Variants in TMEM248 observed in about 807,000 individuals in gnomAD.
TMEM248 encodes the protein transmembrane protein 248.
TMEM248 carries 9 observed loss-of-function variants against 30.3 expected under a neutral mutation model. The ratio of observed to expected loss-of-function variants is 0.30; its 90% CI spans 0.18 to 0.52. TMEM248 has a LOEUF of 0.52. Ranked by LOEUF, TMEM248 falls within the 20% of genes least tolerant of loss-of-function variation. The probability of loss-of-function intolerance (pLI) is 0.97; values close to 1 mark genes in which losing one functional copy is unlikely to be tolerated. For synonymous variants in TMEM248, 184 were observed against 154.4 expected, an observed-to-expected ratio of 1.19 and a Z score of -1.42; for missense variants, 338 against 403.3, an observed-to-expected ratio of 0.84 and a Z score of 1.39.
intron 1 of TMEM248, among the ~76,000 whole-genome samples, chr7:66,940,790 A>G (rs1791926203): frequency 6.6e-6 from 1 of 152,246 alleles, no homozygotes; most frequent in East Asian, 1.9e-4. Flanking sequence ...CCATATGGCA[A>G]TGAGCAGGAC....
chr7:66,950,914 A>G (rs1050247560), intron 4 of TMEM248, 38 bp from the exon 5 acceptor site: 4 of 1,503,368 alleles, frequency 2.7e-6, no homozygotes, highest in African/African-American at 1.4e-5. Context: ...GACTCAGGCC[A>G]CTGAGCACGT....
intron 1 of TMEM248, among the ~76,000 whole-genome samples, chr7:66,929,426 ATTTTTTTTT>A (rs35126436): frequency 4.9e-4 from 48 of 97,674 alleles, no homozygotes; most frequent in Middle Eastern, 6.8e-3. Flanking sequence ...TGAGAGACAA[ATTTTTTTTT>A]TTTTTTTTTT....
chr7:66,931,891 G>A (rs1791677368), intron 1 of TMEM248, among the ~76,000 whole-genome samples: 2 of 138,002 alleles, frequency 1.4e-5, no homozygotes, highest in Non-Finnish European at 3.0e-5. Flanking sequence ...TGCAAGCTCC[G>A]TCTCCTGGAT....
chr7:66,935,003 T>C (rs1177008648), intron 1 of TMEM248, among the ~76,000 whole-genome samples: 2 of 151,586 alleles, frequency 1.3e-5, no homozygotes. Context: ...TGCAGTGAGC[T>C]GAGATTGTGC....
At chr7:66,922,596 A>G (rs898829949) in intron 1 of TMEM248, among the ~76,000 whole-genome samples, 1 of 152,144 alleles carries the variant, frequency 6.6e-6, no homozygotes, top group African/African-American at 2.4e-5. Flanking sequence ...GTGGACTGGA[A>G]TCACTGCTAG....
At chr7:66,948,997 T>G (rs1220792621) in intron 4 of TMEM248, among the ~76,000 whole-genome samples, 3 of 151,938 alleles carry the variant, frequency 2.0e-5, no homozygotes, top group Admixed American at 6.6e-5. Context: ...AAGCAGCAAG[T>G]TACAGAAAAG....
chr7:66,923,593 C>T (rs1791445201), intron 1 of TMEM248, among the ~76,000 whole-genome samples: 2 of 152,214 alleles, frequency 1.3e-5, no homozygotes, highest in South Asian at 4.1e-4. Flanking sequence ...GAAATATTGG[C>T]AGAGGCAGCT....
At chr7:66,941,561 AACACACACACAC>A (rs72442084) in intron 1 of TMEM248, among the ~76,000 whole-genome samples, 21 of 142,790 alleles carry the variant, frequency 1.5e-4, no homozygotes, top group East Asian at 6.2e-4. Context: ...TGTTTCTTAA[AACACACACACAC>A]ACACACACAC....
intron 1 of TMEM248, among the ~76,000 whole-genome samples, chr7:66,928,621 C>T (rs1033657955): frequency 4.6e-5 from 7 of 152,168 alleles, no homozygotes; most frequent in Non-Finnish European, 7.4e-5. Context: ...GTTAAGAATG[C>T]TCTCTTCTCA....
rs1294598781 is a variant in TMEM248, at chr7:66,941,907, C to T, written c.42C>T (p.Ile14=). 6.2e-6 allele frequency: 10 copies of T among 1,614,132 alleles called. No homozygotes were observed. The highest frequency in any genetic ancestry group is 7.6e-6 in the Non-Finnish European group (9 of 1,180,010). ...INPLENLKVY[I]SSRPPLVVFM... ...CCCTGGAGAACCTGAAGGTGTACAT[C>T]AGCAGTCGGCCTCCCCTGGTGGTCT... The change falls in exon 2 of 7, where the codon ATC becomes ATT. Residue 14 remains isoleucine (I), a synonymous_variant. Coordinates refer to ENST00000341567, the MANE Select transcript of TMEM248 (RefSeq NM_017994.5).
intron 1 of TMEM248, among the ~76,000 whole-genome samples, chr7:66,933,489 C>G (rs1039372760): frequency 2.0e-5 from 3 of 152,094 alleles, no homozygotes; most frequent in African/African-American, 7.2e-5. Flanking sequence ...TGGGTGTTTC[C>G]TTAGGTTTAG....
chr7:66,953,102 C>G (rs1000518839), intron 5 of TMEM248, 124 bp from the exon 6 acceptor site: 4 of 1,078,512 alleles, frequency 3.7e-6, no homozygotes, highest in Non-Finnish European at 5.3e-6. Flanking sequence ...CCTCCTCTTG[C>G]AGCTTAAGAA....
intron 1 of TMEM248, chr7:66,930,572 C>A (rs1791637915): frequency 6.6e-6 from 1 of 152,254 alleles, no homozygotes; most frequent in Admixed American, 6.5e-5. Context: ...CCTTGAAGTT[C>A]TCCTGTGTCT....
intron 1 of TMEM248, among the ~76,000 whole-genome samples, chr7:66,927,180 T>A (rs1045582954): frequency 6.6e-6 from 1 of 152,170 alleles, no homozygotes; most frequent in African/African-American, 2.4e-5. Context: ...CTGTAGTGAA[T>A]TTTTTTAAGA....
intron 1 of TMEM248, among the ~76,000 whole-genome samples, chr7:66,932,274 C>A (rs1358064852): frequency 6.6e-6 from 1 of 152,200 alleles, no homozygotes; most frequent in Admixed American, 6.5e-5. Context: ...CCTCCCACAC[C>A]TCTCCCTTTC....
chr7:66,938,240 T>C (rs887182960), intron 1 of TMEM248, among the ~76,000 whole-genome samples: 11 of 152,298 alleles, frequency 7.2e-5, no homozygotes, highest in Non-Finnish European at 1.5e-4. Context: ...CTTGTCTTCT[T>C]TCTTTCCTTC....
chr7:66,929,048 A>G (rs973589383), intron 1 of TMEM248, among the ~76,000 whole-genome samples: 16 of 152,166 alleles, frequency 1.1e-4, no homozygotes, highest in African/African-American at 3.9e-4. Context: ...TCAGCCTCCC[A>G]GAGTGCTAGA....
intron 1 of TMEM248, chr7:66,921,916 T>C (rs764760421): frequency 2.6e-5 from 4 of 152,262 alleles, no homozygotes; most frequent in Non-Finnish European, 5.9e-5. Context: ...TGTGTCAAGC[T>C]TGGTAAATAT....
Position 66,955,733 on chromosome 7 carries a change from G to A in TMEM248, c.*211G>A. On this transcript the variant is annotated 3_prime_UTR_variant, in exon 7 of 7. Coordinates refer to ENST00000341567, the MANE Select transcript of TMEM248 (RefSeq NM_017994.5). ...CAATAATGCACGTGCTTTGCCCTGG[G>A]TACAGCCAGAGCCCTTCAACCCCAC... is the stretch of plus-strand genomic sequence containing the variant. 1 of 604,326 alleles carries A rather than the reference G, an allele frequency of 1.7e-6. No individual in the cohort carries two copies. Among genetic ancestry groups the A allele is most frequent in the Non-Finnish European group, 2.8e-6 (1 of 361,522 alleles). The allele number at this position is 604,326 out of a possible 1,614,324, so 37.4% of individuals were successfully genotyped here.
Sources: gnomAD v4.1 joint callset for allele counts (sites outside exome capture counted in the v4.1 genomes callset) on GRCh38, gnomAD v4.1.1 for gene constraint, MANE v1.5 for transcripts, NCBI Gene and HGNC (gene_info 2026-07-23, HGNC 2026-07-21) for gene names.